SPG7: variants seen among roughly 807,000 people sequenced by gnomAD.
The protein encoded by SPG7 is SPG7 matrix AAA peptidase subunit, paraplegin, also known as mitochondrial inner membrane m-AAA protease component paraplegin.
In SPG7, 103 loss-of-function variants were observed where a neutral mutation model predicts 81.9. The observed-to-expected ratio is 1.26, with a 90% confidence interval of 1.07 to 1.48. The LOEUF (loss-of-function observed/expected upper bound fraction) is 1.48. SPG7 is among the 40% of genes most tolerant of loss of function. The pLI is 0.00. For synonymous variants in SPG7, 534 were observed against 444.2 expected (o/e 1.20, Z -2.54); for missense variants, 1,241 against 1,087.3 (o/e 1.14, Z -1.99).
At chr16:89,552,730 C>G (rs963606247) in intron 13 of SPG7, 13 of 528,264 alleles carry the variant, frequency 2.5e-5, no homozygotes, top group Non-Finnish European at 3.5e-5. Flanking sequence ...TTCTTGACTC[C>G]CTGCCTGTCT....
In SPG7 at chr16:89,550,571, G is replaced by A. The variant is rs752007398; in HGVS notation, c.1741G>A (p.Val581Met). 2.5e-6 allele frequency: 4 copies of A among 1,614,016 alleles called. No individual in the cohort carries two copies. The East Asian group carries it at 6.7e-5, about 27-fold the overall frequency. Residue 581 changes from valine to methionine, a missense_variant, in exon 13 of 17, where the codon GTG becomes ATG. Physicochemically the swap from Val to Met is conservative, Grantham distance 21. Coordinates refer to ENST00000645818, the MANE Select transcript of SPG7 (RefSeq NM_003119.4). ...VAFHESGHAL[V>M]GWMLEHTEAV... is the part of the protein sequence containing the mutation. ...GTTTCATGAGTCGGGCCACGCCTTG[G>A]TGGGCTGGATGCTGGAGCACACGGA...
intron 10 of SPG7, 101 bp downstream of exon 10, chr16:89,544,873 T>C (rs1417643394): frequency 9.8e-6 from 14 of 1,430,644 alleles, no homozygotes; most frequent in African/African-American, 1.4e-5. Flanking sequence ...GTGTGAAGCC[T>C]GTCACAGCCC....
rs773745485 is a variant in SPG7, at chr16:89,508,439, C to T, written c.22C>T (p.Leu8Phe). Residue 8 changes from leucine (L) to phenylalanine (F), a missense_variant, in exon 1 of 17, where the codon CTC (leucine) becomes TTC (phenylalanine). Transcript: ENST00000645818. MAVLLLL[L>F]RALRRGPGPG... ...CAACATGGCCGTGCTGCTGCTGCTG[C>T]TCCGTGCCCTCCGCCGGGGTCCAGG... 15 of 1,500,714 alleles carry T rather than the reference C, an allele frequency of 1.0e-5. No homozygotes were observed. The South Asian group carries it at 1.4e-4, about 14-fold the overall frequency. 93.0% of individuals were successfully genotyped at this position (1,500,714 alleles called of 1,614,324 possible).
In SPG7 at chr16:89,529,592, A is replaced by T; in HGVS notation, c.861+13A>T. 1 of 1,570,944 alleles carries T rather than the reference A, an allele frequency of 6.4e-7. No individual in the cohort carries two copies. The highest frequency in any genetic ancestry group is 1.1e-5 in the South Asian group (1 of 89,970). On this transcript the variant is annotated intron_variant, in intron 6 of 16. Coordinates refer to ENST00000645818, the MANE Select transcript of SPG7 (RefSeq NM_003119.4). ...ATTCAGTGCTTTTGTAAGTTCTGTA[A>T]ATCAGAGCTCTCTGAACTCTTTCTG... is the stretch of plus-strand genomic sequence containing the variant.
chr16:89,531,156 C>CT lies in SPG7; in HGVS notation c.987+350dup, dbSNP rs138342489. The CT allele has an allele frequency of 6.0e-3, 2,419 of 402,032 alleles. 52 individuals carry two copies. The highest frequency in any genetic ancestry group is 0.042 in the African/African-American group (2,062 of 48,670). 24.9% of individuals were successfully genotyped at this position (402,032 alleles called of 1,614,324 possible). ...CATGAGCTGCCTATCACGTGCGTCA[C>CT]TTACACGTTTCCTCCGCGGGCCTGG... is the stretch of plus-strand genomic sequence containing the variant. On this transcript the variant is annotated intron_variant, in intron 7 of 16. Coordinates refer to ENST00000645818, the MANE Select transcript of SPG7 (RefSeq NM_003119.4).
rs1321647106 is a variant in SPG7 at position 89,548,024 on chromosome 16, G to A, written c.1574G>A (p.Cys525Tyr). The A allele has an allele frequency of 6.2e-7, 1 of 1,612,870 alleles. No homozygotes were observed. Among genetic ancestry groups the A allele is most frequent in the Non-Finnish European group, 8.5e-7 (1 of 1,179,910 alleles). ...GFSGADIANI[C>Y]NEAALHAARE... Reference sequence around the variant, plus strand: ...ACAGGGGCTGACATCGCCAACATCTGCAATGAGGCTGCGCTGCACGCGGCG... The same window carrying A: ...ACAGGGGCTGACATCGCCAACATCTACAATGAGGCTGCGCTGCACGCGGCG... Residue 525 changes from cysteine to tyrosine, a missense_variant, in exon 12 of 17, where the codon TGC becomes TAC. Transcript: ENST00000645818.
intron 1 of SPG7, among the ~76,000 whole-genome samples, chr16:89,510,175 A>G (rs894276138): frequency 6.7e-6 from 1 of 149,898 alleles, no homozygotes; most frequent in South Asian, 2.1e-4. Context: ...AGGTTTCACC[A>G]TGTTGGCCAG....
intron 3 of SPG7, chr16:89,520,444 A>G (rs1031151403): frequency 1.1e-5 from 2 of 175,416 alleles, no homozygotes; most frequent in South Asian, 2.3e-4. Flanking sequence ...TTGCCCAGGC[A>G]GGAGTGAAGT....
At chr16:89,510,226 C>T (rs1299392433) in intron 1 of SPG7, among the ~76,000 whole-genome samples, 5 of 152,154 alleles carry the variant, frequency 3.3e-5, no homozygotes, top group African/African-American at 4.8e-5. Flanking sequence ...CCACCCGCCT[C>T]AGCCTCCCAA....
chr16:89,516,075 C>T (rs900827688), intron 3 of SPG7, among the ~76,000 whole-genome samples: 1 of 151,828 alleles, frequency 6.6e-6, no homozygotes, highest in African/African-American at 2.4e-5. Flanking sequence ...GGAACCTCTG[C>T]CTCCTGGGTT....
At chr16:89,556,832 A>C in intron 16 of SPG7, 55 bp from the exon 17 acceptor site, 122 of 1,381,316 alleles carry the variant, frequency 8.8e-5, no homozygotes, top group Non-Finnish European at 1.1e-4. Context: ...CCCAGGACAT[A>C]GAGATGCTCT....
intron 9 of SPG7, chr16:89,539,547 A>G (rs1056797181): frequency 1.3e-5 from 2 of 152,092 alleles, no homozygotes; most frequent in African/African-American, 4.8e-5. Flanking sequence ...CCTAGATCCT[A>G]AAGATTTTCT....
At position 89,524,374 on chromosome 16, in the gene SPG7, T is replaced by C. The variant is rs1041241822; in HGVS notation, c.618+127T>C. ...GGCTGTTGCCATCCTTTTGGATACC[T>C]GTGATTGAGGGCATGCTTCTTTCTC... On this transcript the variant is annotated intron_variant, in intron 4 of 16. Transcript: ENST00000645818. 2.9e-6 allele frequency: 3 copies of C among 1,051,222 alleles called. No homozygotes were observed. In the African/African-American group the frequency reaches 4.8e-5, roughly 17 times the overall value. The allele number at this position is 1,051,222 out of a possible 1,614,324, so 65.1% of individuals were successfully genotyped here. A position where few individuals can be genotyped will look rare whatever the true frequency, so the allele number is the denominator to read the frequency against.
chr16:89,546,825 A>T, intron 11 of SPG7, 65 bp downstream of exon 11: 2 of 1,064,388 alleles, frequency 1.9e-6, no homozygotes, highest in Non-Finnish European at 2.9e-6. Context: ...CACCTGCGCA[A>T]ACAGCATCGA....
intron 3 of SPG7, among the ~76,000 whole-genome samples, chr16:89,513,701 C>CAGCT (rs543044924): frequency 6.2e-4 from 95 of 152,278 alleles, no homozygotes; most frequent in Middle Eastern, 3.4e-3. Flanking sequence ...AAGGGTTGAA[C>CAGCT]TCAGCTTCAG....
At chr16:89,529,182 A>G (rs929218720) in intron 5 of SPG7, 1 of 450,708 alleles carries the variant, frequency 2.2e-6, no homozygotes, top group Admixed American at 3.4e-5. Flanking sequence ...ATTTGAAAAC[A>G]AAATATACTG....
chr16:89,547,951 G>A, intron 11 of SPG7, 52 bp from the exon 12 acceptor site: 1 of 1,380,458 alleles, frequency 7.2e-7, no homozygotes, highest in East Asian at 2.3e-5. Flanking sequence ...CTCCTCTTAA[G>A]CCCTGATAGC....
chr16:89,541,412 C>A, intron 9 of SPG7: 2 of 836,726 alleles, frequency 2.4e-6, no homozygotes, highest in Non-Finnish European at 2.9e-6. Flanking sequence ...TAACAAAATT[C>A]TGGGGATGGA....
At chr16:89,534,856 C>T (rs1041019358) in intron 9 of SPG7, among the ~76,000 whole-genome samples, 7 of 152,222 alleles carry the variant, frequency 4.6e-5, no homozygotes, top group South Asian at 2.1e-4. Flanking sequence ...TCCGCCCCCC[C>T]GATGTGGATG....
Sources: gnomAD v4.1 joint callset for allele counts (sites outside exome capture counted in the v4.1 genomes callset) on GRCh38, gnomAD v4.1.1 for gene constraint, MANE v1.5 for transcripts, NCBI Gene and HGNC (gene_info 2026-07-23, HGNC 2026-07-21) for gene names.